The following DNAH10 variants were observed in gnomAD, a reference collection of about 807,000 sequenced individuals.
DNAH10 encodes dynein axonemal heavy chain 10.
DNAH10 carries 348 observed loss-of-function variants against 506.6 expected under a neutral mutation model. The observed-to-expected ratio is 0.69, with a 90% CI of 0.63 to 0.75. DNAH10 has a LOEUF of 0.75. DNAH10 is among the 30% of genes least tolerant of loss of function. The pLI is 0.00. For missense variants in DNAH10, 5,179 were observed against 5,787.1 expected (o/e 0.89, Z 3.41); for synonymous variants, 2,059 against 2,198.6 (o/e 0.94, Z 1.78).
chr12:123,913,031 G>C lies in DNAH10; in HGVS notation c.10135-67G>C. The C allele has an allele frequency of 1.4e-6, 2 of 1,464,342 alleles. No homozygotes were observed. Among genetic ancestry groups the C allele is most frequent in the South Asian group, 2.5e-5 (2 of 78,858 alleles). 90.7% of individuals were successfully genotyped at this position (1,464,342 alleles called of 1,614,324 possible). A position where few individuals can be genotyped will look rare whatever the true frequency, so the allele number is the denominator to read the frequency against. ...GCAGTTTAGACATGTGGCCTGGTTT[G>C]AGGCCATGGGATCGCGGCCCCACCA... On this transcript the variant is annotated intron_variant, in intron 59 of 78. Transcript: ENST00000673944. This position sits in a 1 kb window ranked among gnomAD's most constrained non-coding sequence, Gnocchi z 5.1.
chr12:123,861,792 T>A (rs561710739), intron 39 of DNAH10, among the ~76,000 whole-genome samples: 20 of 152,362 alleles, frequency 1.3e-4, no homozygotes, highest in Admixed American at 1.3e-3. Flanking sequence ...ATCCCATTAA[T>A]AATAAATAAA....
At chr12:123,891,464 C>T (rs554594501) in intron 52 of DNAH10, among the ~76,000 whole-genome samples, 62 of 152,246 alleles carry the variant, frequency 4.1e-4, no homozygotes, top group Admixed American at 2.0e-4. Context: ...AGGGTGGGGA[C>T]GTCAATTTCA....
rs762625979 is a variant in DNAH10 at position 123,898,772 on chromosome 12, T to C, written c.9598T>C (p.Cys3200Arg). ...CGTGCTGGCGGAGAAGTCCGCCGCC[T>C]GCGAGGCCTTGCTGGAGGAGATCGC... ...KIVLAEKSAA[C>R]EALLEEIAVN... The change falls in exon 56 of 79, where the codon TGC becomes CGC. Residue 3200 changes from cysteine to arginine, a missense_variant. Physicochemically the swap from Cys to Arg is radical, Grantham distance 180. Around this residue, in one of 3 missense-constraint regions of DNAH10, gnomAD observed 4,844 missense variants for 5,430.5 expected, o/e 0.89. Transcript: ENST00000673944. The C allele has an allele frequency of 6.2e-7, 1 of 1,612,328 alleles. No individual in the cohort carries two copies.
At chr12:123,790,925 G>A (rs1565907235) in intron 11 of DNAH10, among the ~76,000 whole-genome samples, 1 of 152,096 alleles carries the variant, frequency 6.6e-6, no homozygotes, top group Non-Finnish European at 1.5e-5. Flanking sequence ...AGGAGTTTGA[G>A]ACCAGCCTGG....
rs984200914 is a variant in DNAH10 at position 123,835,501 on chromosome 12, T to C, written c.4875T>C (p.Phe1625=). 1.9e-6 allele frequency: 3 copies of C among 1,608,446 alleles called. No individual in the cohort carries two copies. The highest frequency in any genetic ancestry group is 1.7e-5 in the Admixed American group (1 of 59,198). The change falls in exon 28 of 79, where the codon TTT becomes TTC. Residue 1625 remains phenylalanine (F), a synonymous_variant. Coordinates refer to ENST00000673944, the MANE Select transcript of DNAH10 (RefSeq NM_001372106.1). The stretch of plus-strand genomic sequence containing the variant: ...AACTTCCGGAAGAGGCAAAAAAGTT[T>C]GACAACATCGATAAAGTATTTAAAA... ...RSQLPEEAKK[F]DNIDKVFKRI...
intron 13 of DNAH10, among the ~76,000 whole-genome samples, chr12:123,798,745 TTTA>T (rs1363767063): frequency 1.3e-5 from 2 of 148,246 alleles, no homozygotes; most frequent in Non-Finnish European, 3.0e-5. Flanking sequence ...AACATTTTTA[TTTA>T]TTATATTTAT....
Position 123,785,657 on chromosome 12 carries a change from G to A in DNAH10, c.1231-89G>A. ...CAAGGAAAAAAAAAAAAAAAAAAGA[G>A]TGAAACTTCTTGCATGCTTACTGTT... On this transcript the variant is annotated intron_variant, in intron 8 of 78. Transcript: ENST00000673944. The surrounding 1 kb of genome is among the most constrained non-coding windows in gnomAD (Gnocchi z 4.1). The A allele has an allele frequency of 1.0e-6, 1 of 961,084 alleles. No homozygotes were observed. Among genetic ancestry groups the A allele is most frequent in the Non-Finnish European group, 1.5e-6 (1 of 689,642 alleles). The allele number at this position is 961,084 out of a possible 1,614,324, so 59.5% of individuals were successfully genotyped here.
At chr12:123,881,534 G>T (rs984405215) in intron 50 of DNAH10, 91 bp from the exon 51 acceptor site, 1 of 1,276,744 alleles carries the variant, frequency 7.8e-7, no homozygotes, top group African/African-American at 1.6e-5. Flanking sequence ...TAAGTTCTTT[G>T]TAGATTCTGG....
chr12:123,768,978 G>C (rs1307604905), intron 2 of DNAH10, among the ~76,000 whole-genome samples: 1 of 152,030 alleles, frequency 6.6e-6, no homozygotes, highest in South Asian at 2.1e-4. Flanking sequence ...GGCTCAGGCA[G>C]TTCTCCCACC....
intron 56 of DNAH10, among the ~76,000 whole-genome samples, chr12:123,900,038 TCGCC>T (rs1953448566): frequency 6.6e-6 from 1 of 152,232 alleles, no homozygotes; most frequent in Non-Finnish European, 1.5e-5. Flanking sequence ...TGACACCCTG[TCGCC>T]TGCTCACAGC....
rs1954886736 is a variant in DNAH10 at position 123,925,149 on chromosome 12, G to A, written c.11866G>A (p.Val3956Met). The A allele has an allele frequency of 1.2e-6, 2 of 1,614,028 alleles. No individual in the cohort carries two copies. The highest frequency in any genetic ancestry group is 1.7e-6 in the Non-Finnish European group (2 of 1,179,892). ...GTTGCTTATTTTGCGCTGTTTCCGT[G>A]TGGATCGGGTCTATCGGGCCGTGAC... is the stretch of plus-strand genomic sequence containing the variant. ...QKLLILRCFR[V>M]DRVYRAVTDY... is the part of the protein sequence containing the mutation. The change falls in exon 68 of 79, where the codon GTG becomes ATG. Residue 3956 changes from valine to methionine, a missense_variant. Coordinates refer to ENST00000673944, the MANE Select transcript of DNAH10 (RefSeq NM_001372106.1). This position sits in a 1 kb window ranked among gnomAD's most constrained non-coding sequence, Gnocchi z 4.0.
chr12:123,906,666 T>C (rs1373403460), intron 57 of DNAH10, among the ~76,000 whole-genome samples: 3 of 152,246 alleles, frequency 2.0e-5, no homozygotes, highest in African/African-American at 4.8e-5. Flanking sequence ...TTTAAATCTT[T>C]TATCTATTGA....
chr12:123,856,292 A>G (rs1817637827), intron 36 of DNAH10, among the ~76,000 whole-genome samples: 1 of 149,666 alleles, frequency 6.7e-6, no homozygotes, highest in South Asian at 2.1e-4. Flanking sequence ...TCATTTAAAT[A>G]TATATGTATG....
chr12:123,774,386 G>A, intron 5 of DNAH10, 122 bp downstream of exon 5: 1 of 673,776 alleles, frequency 1.5e-6, no homozygotes, highest in Non-Finnish European at 2.4e-6. Context: ...GCACTGAGGT[G>A]CTGAGACCAG....
chr12:123,765,585 T>TATCTA (rs375583569), intron 1 of DNAH10, among the ~76,000 whole-genome samples: 2,339 of 152,106 alleles, frequency 0.015, 66 homozygotes, highest in African/African-American at 0.054. Context: ...TCTATCTATC[T>TATCTA]ATCTATCTAT....
intron 21 of DNAH10, among the ~76,000 whole-genome samples, chr12:123,817,365 T>TCTTA (rs1354349453): frequency 6.6e-6 from 1 of 152,072 alleles, no homozygotes; most frequent in Non-Finnish European, 1.5e-5. Flanking sequence ...ACCCTGTACA[T>TCTTA]CTTACATTCC....
intron 4 of DNAH10, 34 bp from the exon 5 acceptor site, chr12:123,774,115 A>G: frequency 7.0e-7 from 1 of 1,431,756 alleles, no homozygotes; most frequent in Non-Finnish European, 9.6e-7. Context: ...GCTCTCTCCC[A>G]CTGACCTTAC....
intron 12 of DNAH10, among the ~76,000 whole-genome samples, chr12:123,795,146 C>CAA (rs59542170): frequency 0.061 from 6,781 of 111,832 alleles, 434 homozygotes; most frequent in African/African-American, 0.15. Context: ...AACTTCGTCT[C>CAA]AAAAAAAAAA....
At position 123,926,625 on chromosome 12, in the gene DNAH10, T is replaced by G. The variant is rs1403278799; in HGVS notation, c.11922-12T>G. 1.2e-6 allele frequency: 2 copies of G among 1,607,636 alleles called. No individual in the cohort carries two copies. The highest frequency in any genetic ancestry group is 1.7e-5 in the Admixed American group (1 of 58,890). On this transcript the variant is annotated splice_polypyrimidine_tract_variant and intron_variant, in intron 68 of 78. Transcript: ENST00000673944. This position sits in a 1 kb window ranked among gnomAD's most constrained non-coding sequence, Gnocchi z 4.1. ...TCGCGGGAGAGTTTTCTGACTGTGTTTCTTTCACCAGGTATGTGCAGCCCC... is the reference window on the plus strand; with the variant it reads ...TCGCGGGAGAGTTTTCTGACTGTGTGTCTTTCACCAGGTATGTGCAGCCCC...
Sources: allele counts gnomAD v4.1 joint callset (sites outside exome capture counted in the v4.1 genomes callset), GRCh38; gene constraint gnomAD v4.1.1; regional missense constraint gnomAD v4.1.1; non-coding constraint Gnocchi (gnomAD v3.1); transcripts MANE v1.5; gene names NCBI Gene and HGNC (gene_info 2026-07-23, HGNC 2026-07-21).